The following GRID2 variants were observed in gnomAD, a reference collection of about 807,000 sequenced individuals.
GRID2 encodes glutamate ionotropic receptor delta type subunit 2.
GRID2 carries 33 observed loss-of-function variants against 114.8 expected under a neutral mutation model. The ratio of observed to expected loss-of-function variants is 0.29; its 90% CI spans 0.22 to 0.38. The LOEUF (loss-of-function observed/expected upper bound fraction) is 0.38, where lower values mean the gene tolerates loss of function less well. Among genes scored for constraint, GRID2 ranks in the 10% least tolerant of loss-of-function variants. The probability of loss-of-function intolerance (pLI) is 1.00; values close to 1 mark genes in which losing one functional copy is unlikely to be tolerated. For synonymous variants in GRID2, 505 were observed against 449.9 expected, an observed-to-expected ratio of 1.12 and a Z score of -1.55; for missense variants, 1,184 against 1,257.7, an observed-to-expected ratio of 0.94 and a Z score of 0.89.
chr4:93,714,933 A>G (rs1445574259), intron 14 of GRID2, among the ~76,000 whole-genome samples: 2 of 152,140 alleles, frequency 1.3e-5, no homozygotes, highest in Admixed American at 1.3e-4. Flanking sequence ...CCTTCAGTTT[A>G]ATTAGATCCC....
chr4:93,047,308 AAAAT>A (rs1220505719), intron 2 of GRID2, among the ~76,000 whole-genome samples: 4 of 152,140 alleles, frequency 2.6e-5, no homozygotes, highest in Non-Finnish European at 5.9e-5. Flanking sequence ...TATGGAGACC[AAAAT>A]AAACTGTGAA....
At chr4:93,225,803 A>G (rs1745417213) in intron 7 of GRID2, among the ~76,000 whole-genome samples, 1 of 152,110 alleles carries the variant, frequency 6.6e-6, no homozygotes, top group African/African-American at 2.4e-5. Flanking sequence ...GATTACCACA[A>G]ATTGGGAAAT....
intron 8 of GRID2, among the ~76,000 whole-genome samples, chr4:93,297,645 T>C (rs1298752219): frequency 1.3e-5 from 2 of 152,184 alleles, no homozygotes; most frequent in African/African-American, 4.8e-5. Flanking sequence ...ATCTATTCCA[T>C]ATGATTTTGT....
chr4:93,700,880 C>A (rs1727449685), intron 14 of GRID2, among the ~76,000 whole-genome samples: 1 of 152,004 alleles, frequency 6.6e-6, no homozygotes, highest in African/African-American at 2.4e-5. Context: ...TCCATATGCT[C>A]TTGTGAAGCT....
At chr4:92,725,393 A>G (rs1421913311) in intron 2 of GRID2, among the ~76,000 whole-genome samples, 2 of 152,200 alleles carry the variant, frequency 1.3e-5, no homozygotes, top group Non-Finnish European at 1.5e-5. Flanking sequence ...CAAAGGGGCT[A>G]TGGAGAATAG....
At chr4:93,051,074 A>G (rs555604422) in intron 2 of GRID2, among the ~76,000 whole-genome samples, 12 of 152,176 alleles carry the variant, frequency 7.9e-5, no homozygotes, top group African/African-American at 2.9e-4. Context: ...ACACAAATGT[A>G]GTTTTAGACT....
intron 13 of GRID2, among the ~76,000 whole-genome samples, chr4:93,593,904 A>G (rs1578345939): frequency 6.6e-6 from 1 of 151,876 alleles, no homozygotes; most frequent in African/African-American, 2.4e-5. Flanking sequence ...TTTCAGGTCC[A>G]TCAGCTCCTT....
At chr4:92,694,595 T>C (rs1001237263) in intron 2 of GRID2, among the ~76,000 whole-genome samples, 5 of 152,182 alleles carry the variant, frequency 3.3e-5, no homozygotes, top group African/African-American at 7.2e-5. Flanking sequence ...GGTGGTTTGA[T>C]AATTAGTTTC....
intron 8 of GRID2, among the ~76,000 whole-genome samples, chr4:93,383,312 C>T (rs558008950): frequency 6.6e-6 from 1 of 152,148 alleles, no homozygotes; most frequent in African/African-American, 2.4e-5. Flanking sequence ...TATAACATTC[C>T]TTTTGCCCAT....
chr4:93,345,328 G>T (rs1266095436), intron 8 of GRID2, among the ~76,000 whole-genome samples: 1 of 151,648 alleles, frequency 6.6e-6, no homozygotes, highest in South Asian at 2.1e-4. Context: ...GTTATCTTTA[G>T]TAGTAGCCAC....
intron 1 of GRID2, among the ~76,000 whole-genome samples, chr4:92,430,460 GGTCCATGT>G (rs1254947501): frequency 3.3e-5 from 5 of 151,918 alleles, no homozygotes; most frequent in African/African-American, 1.2e-4. Flanking sequence ...CTGTTCTATT[GGTCCATGT>G]GTCTGTTTTT....
At chr4:92,872,660 CAT>C (rs1745358353) in intron 2 of GRID2, among the ~76,000 whole-genome samples, 1 of 152,118 alleles carries the variant, frequency 6.6e-6, no homozygotes, top group Non-Finnish European at 1.5e-5. Context: ...AAGAGGTGAA[CAT>C]ATTGTTCTCA....
chr4:93,601,092 AT>A (rs1474053090), intron 13 of GRID2, among the ~76,000 whole-genome samples: 2 of 152,184 alleles, frequency 1.3e-5, no homozygotes, highest in Non-Finnish European at 2.9e-5. Flanking sequence ...TCACAGGTAT[AT>A]TTTTTAATGA....
chr4:93,695,810 G>T (rs1218265939), intron 14 of GRID2, among the ~76,000 whole-genome samples: 2 of 152,104 alleles, frequency 1.3e-5, no homozygotes, highest in African/African-American at 4.8e-5. Flanking sequence ...TCTCTAAGCC[G>T]CTCAACTTCT....
At chr4:93,252,202 T>C (rs1324408598) in intron 8 of GRID2, among the ~76,000 whole-genome samples, 2 of 152,176 alleles carry the variant, frequency 1.3e-5, no homozygotes, top group Admixed American at 1.3e-4. Flanking sequence ...TTTGGGGTTT[T>C]ACATTTAATT....
chr4:92,877,378 G>A (rs1745706991), intron 2 of GRID2, among the ~76,000 whole-genome samples: 1 of 152,184 alleles, frequency 6.6e-6, no homozygotes, highest in Non-Finnish European at 1.5e-5. Flanking sequence ...AAAACTCTCA[G>A]TAATTTTAAC....
intron 13 of GRID2, among the ~76,000 whole-genome samples, chr4:93,551,944 T>C (rs1368385144): frequency 6.6e-6 from 1 of 152,168 alleles, no homozygotes; most frequent in Non-Finnish European, 1.5e-5. Flanking sequence ...GTTTGTTACA[T>C]ATGTATGCAT....
At chr4:93,424,419 C>G (rs1390095967) in intron 10 of GRID2, among the ~76,000 whole-genome samples, 1 of 151,954 alleles carries the variant, frequency 6.6e-6, no homozygotes, top group Non-Finnish European at 1.5e-5. Flanking sequence ...CTTTTTTAAC[C>G]CTCATTTCAA....
intron 1 of GRID2, among the ~76,000 whole-genome samples, chr4:92,469,196 A>G (rs988756734): frequency 1.3e-5 from 2 of 152,132 alleles, no homozygotes; most frequent in Non-Finnish European, 2.9e-5. Context: ...TCTTTTTGGA[A>G]TTATTTTTTT....
Sources: allele counts gnomAD v4.1 joint callset (sites outside exome capture counted in the v4.1 genomes callset), GRCh38; gene constraint gnomAD v4.1.1; transcripts MANE v1.5; gene names NCBI Gene and HGNC (gene_info 2026-07-23, HGNC 2026-07-21).